Variants in AMPD3 observed in about 807,000 individuals in gnomAD.
AMPD3 encodes AMP deaminase 3.
Under a neutral mutation model 82.3 loss-of-function variants are expected in AMPD3, and 57 were observed. The ratio of observed to expected loss-of-function variants is 0.69; its 90% CI spans 0.56 to 0.86. The LOEUF is 0.86. Ranked by LOEUF, AMPD3 falls within the 40% of genes least tolerant of loss-of-function variation. The pLI is 0.00. For missense variants in AMPD3, 870 were observed against 1,003.8 expected, an observed-to-expected ratio of 0.87 and a Z score of 1.80; for synonymous variants, 381 against 394.7, an observed-to-expected ratio of 0.97 and a Z score of 0.41.
rs776041673 is a variant in AMPD3 at position 10,461,720 on chromosome 11, G to T, written c.201G>T (p.Lys67Asn). ...TGCAGAAGGAGCTGGCAGAGCAGAA[G>T]TCTGTGGAGACCGCAAAAAGGTTTG... The part of the protein sequence containing the change: ...RELQKELAEQ[K>N]SVETAKRKKS... Residue 67 changes from lysine (K) to asparagine (N), a missense_variant, in exon 2 of 15, where the codon AAG (lysine) becomes AAT (asparagine). Coordinates refer to ENST00000396553, the MANE Select transcript of AMPD3 (RefSeq NM_001025389.2). 1.9e-6 allele frequency: 3 copies of T among 1,613,262 alleles called. No individual in the cohort carries two copies. The highest frequency in any genetic ancestry group is 2.5e-6 in the Non-Finnish European group (3 of 1,179,552).
Position 10,502,822 on chromosome 11 carries a change from G to A in AMPD3, c.1944G>A (p.Leu648=). The change falls in exon 13 of 15, where the codon CTG becomes CTA. Residue 648 remains leucine (L), a synonymous_variant. Transcript: ENST00000396553. ...SLFLEYSKNP[L]REFLHKGLHV... is the part of the protein sequence containing the mutation. ...TCCTCGAATATTCCAAGAACCCTCT[G>A]AGGGAATTCCTACACAAGGGACTGC... 6.2e-7 allele frequency: 1 copy of A among 1,614,182 alleles called. No individual in the cohort carries two copies. Among genetic ancestry groups the A allele is most frequent in the Non-Finnish European group, 8.5e-7 (1 of 1,180,006 alleles).
At position 10,494,455 on chromosome 11, in the gene AMPD3, A is replaced by G. The variant is rs1353872280; in HGVS notation, c.1135-444A>G. ...ATGTACTTAAAGCCACTGGAACTGT[A>G]TGGTTAAAAATGGTTGAAATGGTAA... is the stretch of plus-strand genomic sequence containing the variant. On this transcript the variant is annotated intron_variant, in intron 7 of 14. Transcript: ENST00000396553. 4 of 645,808 alleles carry G rather than the reference A, an allele frequency of 6.2e-6. No individual in the cohort carries two copies. The East Asian group carries it at 5.6e-4, about 90-fold the overall frequency. 40.0% of individuals were successfully genotyped at this position (645,808 alleles called of 1,614,324 possible).
intron 14 of AMPD3, chr11:10,505,441 A>G (rs1406802278): frequency 1.0e-6 from 1 of 985,208 alleles, no homozygotes; most frequent in Non-Finnish European, 1.2e-6. Context: ...CAGCTGCTGC[A>G]GACCTTATCT....
chr11:10,464,977 T>G lies in AMPD3; in HGVS notation c.221+3237T>G, dbSNP rs542488525. On this transcript the variant is annotated intron_variant, in intron 2 of 14. Coordinates refer to ENST00000396553, the MANE Select transcript of AMPD3 (RefSeq NM_001025389.2). ...GCCTGGGCTTTGGGGTCAGACCTATTGGGTTCAAGTGGCAGCCCTGTCACT... is the reference window on the plus strand; with the variant it reads ...GCCTGGGCTTTGGGGTCAGACCTATGGGGTTCAAGTGGCAGCCCTGTCACT... 2.0e-5 allele frequency among the ~76,000 whole-genome samples: 3 copies of G among 152,316 alleles called. No homozygotes were observed. In the South Asian group the frequency reaches 6.2e-4, roughly 32 times the overall value.
At chr11:10,455,479 G>A (rs565480656) in intron 1 of AMPD3, 31 bp downstream of exon 1, 7 of 977,394 alleles carry the variant, frequency 7.2e-6, no homozygotes, top group East Asian at 1.1e-4. Context: ...GGTGGGCTCC[G>A]GTGGGTCAGT....
chr11:10,483,315 G>T (rs1848968575), intron 4 of AMPD3, among the ~76,000 whole-genome samples: 1 of 152,144 alleles, frequency 6.6e-6, no homozygotes, highest in Non-Finnish European at 1.5e-5. Flanking sequence ...ACACATAAGG[G>T]CCTGGTGGTC....
At chr11:10,493,613 G>A in intron 7 of AMPD3, 70 bp downstream of exon 7, 2 of 1,559,170 alleles carry the variant, frequency 1.3e-6, no homozygotes, top group African/African-American at 1.4e-5. Flanking sequence ...CCCCTGGAAA[G>A]CCACCATGAT....
At chr11:10,458,896 C>T (rs1267250232) in intron 1 of AMPD3, among the ~76,000 whole-genome samples, 3 of 151,980 alleles carry the variant, frequency 2.0e-5, no homozygotes, top group South Asian at 2.1e-4. Flanking sequence ...TTCTGAGATG[C>T]GATGTGAGGT....
At chr11:10,454,132 A>C (rs1408337312), upstream of AMPD3, among the ~76,000 whole-genome samples, 1 of 152,208 alleles carries the variant, frequency 6.6e-6, no homozygotes, top group Non-Finnish European at 1.5e-5. Context: ...AGTTAGGCTC[A>C]AGGTGGAATT....
At chr11:10,501,619 C>T in intron 12 of AMPD3, 29 bp downstream of exon 12, 1 of 1,614,116 alleles carries the variant, frequency 6.2e-7, no homozygotes, top group South Asian at 1.1e-5. Flanking sequence ...GGAGCCCGTC[C>T]TGAGTGACTG....
At chr11:10,490,832 G>A (rs565302324) in intron 6 of AMPD3, among the ~76,000 whole-genome samples, 2 of 152,292 alleles carry the variant, frequency 1.3e-5, no homozygotes, top group East Asian at 3.9e-4. Context: ...CTTCTTTTGT[G>A]CATCCCACGT....
At chr11:10,464,591 C>G (rs566608522) in intron 2 of AMPD3, among the ~76,000 whole-genome samples, 16 of 152,266 alleles carry the variant, frequency 1.1e-4, no homozygotes, top group African/African-American at 3.9e-4. Context: ...TCAAAGCTCC[C>G]GCTCTGTCCA....
At chr11:10,450,907 C>A (rs1351883562), upstream of AMPD3, 2 of 1,244,522 alleles carry the variant, frequency 1.6e-6, no homozygotes, top group Admixed American at 4.4e-5. Context: ...TGCTGCGGGG[C>A]GCGGCCTGGC....
At chr11:10,472,164 A>G (rs1050867938) in intron 2 of AMPD3, among the ~76,000 whole-genome samples, 1 of 152,176 alleles carries the variant, frequency 6.6e-6, no homozygotes, top group African/African-American at 2.4e-5. Flanking sequence ...GAAGCTAGAA[A>G]CCATCATTCT....
At chr11:10,478,778 G>A in intron 3 of AMPD3, 48 bp downstream of exon 3, 5 of 1,589,772 alleles carry the variant, frequency 3.1e-6, no homozygotes, top group Non-Finnish European at 4.3e-6. Context: ...GCAAAGGCCA[G>A]GGGCCCCATG....
rs775284330 is a variant in AMPD3, at chr11:10,456,383, A to G, written c.-6+935A>G. 7 of 1,613,782 alleles carry G rather than the reference A, an allele frequency of 4.3e-6. No homozygotes were observed. In the South Asian group the frequency reaches 7.7e-5, roughly 18 times the overall value. On this transcript the variant is annotated intron_variant, in intron 1 of 14. Transcript: ENST00000396553. The surrounding 1 kb of genome is among the most constrained non-coding windows in gnomAD (Gnocchi z 4.3). The stretch of plus-strand genomic sequence containing the variant: ...TCACTTGAGTGGCATCTTCAGGACC[A>G]GTCATGGAGCCAGGCTCAGGTCTGT...
chr11:10,488,287 GT>G, intron 6 of AMPD3: 1 of 985,460 alleles, frequency 1.0e-6, no homozygotes, highest in Non-Finnish European at 1.2e-6. Context: ...GGCAGGGGGT[GT>G]TTGATGGTGA....
chr11:10,460,824 A>G (rs1435644575), intron 1 of AMPD3: 1 of 917,522 alleles, frequency 1.1e-6, no homozygotes, highest in African/African-American at 1.8e-5. Context: ...GGTTGAGGCC[A>G]GTGACTGTTA....
At chr11:10,459,094 A>G (rs1212084070) in intron 1 of AMPD3, among the ~76,000 whole-genome samples, 1 of 152,138 alleles carries the variant, frequency 6.6e-6, no homozygotes, top group Non-Finnish European at 1.5e-5. Flanking sequence ...AAATCCCCAC[A>G]GGCAGCTCTG....
Sources: gnomAD v4.1 joint callset for allele counts (sites outside exome capture counted in the v4.1 genomes callset) on GRCh38, gnomAD v4.1.1 for gene constraint, Gnocchi (gnomAD v3.1) non-coding constraint, MANE v1.5 for transcripts, NCBI Gene and HGNC (gene_info 2026-07-23, HGNC 2026-07-21) for gene names.